Variants in GNPTAB observed in about 807,000 individuals in gnomAD.
The protein encoded by GNPTAB is N-acetylglucosamine-1-phosphotransferase subunits alpha/beta.
Under a neutral mutation model 136.6 loss-of-function variants are expected in GNPTAB, and 92 were observed. The ratio of observed to expected loss-of-function variants is 0.67; its 90% CI spans 0.57 to 0.80. The LOEUF is 0.80. GNPTAB is among the 30% of genes least tolerant of loss of function. The pLI is 0.00. For missense variants in GNPTAB, 1,343 were observed against 1,501.8 expected (o/e 0.89, Z 1.75); for synonymous variants, 512 against 535.1 (o/e 0.96, Z 0.60).
intron 9 of GNPTAB, 22 bp from the exon 10 acceptor site, chr12:101,770,213 A>G (rs1272806691): frequency 6.2e-6 from 10 of 1,612,932 alleles, no homozygotes; most frequent in Admixed American, 1.7e-5. Flanking sequence ...AACAAACAAA[A>G]AAAGAGAGTG....
intron 3 of GNPTAB, among the ~76,000 whole-genome samples, chr12:101,789,548 A>T (rs991334090): frequency 1.3e-5 from 2 of 152,186 alleles, no homozygotes; most frequent in Non-Finnish European, 2.9e-5. Flanking sequence ...GCAGTGATAC[A>T]ATCACGGCTC....
intron 1 of GNPTAB, among the ~76,000 whole-genome samples, chr12:101,820,152 C>G (rs934980451): frequency 6.6e-6 from 1 of 152,226 alleles, no homozygotes; most frequent in East Asian, 1.9e-4. Context: ...AGGCACCTCA[C>G]TTAAACTACT....
chr12:101,796,207 T>C (rs1037206235), intron 2 of GNPTAB: 15 of 702,264 alleles, frequency 2.1e-5, no homozygotes, highest in African/African-American at 1.9e-4. Context: ...CGCTGTGTAG[T>C]AGCCACCTGG....
chr12:101,747,097 C>A lies in GNPTAB; in HGVS notation c.*67G>T. On this transcript the variant is annotated 3_prime_UTR_variant, in exon 21 of 21. Transcript: ENST00000299314. ...GCTAAGCATCACATCACAAAGACAT[C>A]TCTGTGAAGCTGAGTTTTAAAATGC... is the stretch of plus-strand genomic sequence containing the variant. The A allele has an allele frequency of 1.1e-6, 1 of 914,532 alleles. No individual in the cohort carries two copies. The highest frequency in any genetic ancestry group is 1.8e-6 in the Non-Finnish European group (1 of 544,174). 56.7% of individuals were successfully genotyped at this position (914,532 alleles called of 1,614,324 possible).
At chr12:101,817,242 A>G (rs1031443572) in intron 1 of GNPTAB, among the ~76,000 whole-genome samples, 1 of 148,248 alleles carries the variant, frequency 6.7e-6, no homozygotes, top group Non-Finnish European at 1.5e-5. Flanking sequence ...GGATATCCCC[A>G]TTACCCAGAT....
chr12:101,793,927 A>G (rs1594240554), intron 2 of GNPTAB, among the ~76,000 whole-genome samples: 2 of 152,044 alleles, frequency 1.3e-5, no homozygotes, highest in African/African-American at 2.4e-5. Flanking sequence ...ACTGCAACCT[A>G]TGCCTCCCAG....
At chr12:101,784,384 G>A (rs1281672830) in intron 5 of GNPTAB, among the ~76,000 whole-genome samples, 6 of 152,310 alleles carry the variant, frequency 3.9e-5, no homozygotes, top group Non-Finnish European at 8.8e-5. Context: ...GATGCAGGGA[G>A]GGCAGGGATG....
rs747789493 is a variant in GNPTAB, at chr12:101,765,010, CT to C, written c.1906del (p.Arg636GlyfsTer6). The C allele has an allele frequency of 6.2e-7, 1 of 1,614,158 alleles. No individual in the cohort carries two copies. The highest frequency in any genetic ancestry group is 1.7e-5 in the Admixed American group (1 of 60,028). ...KMQITVEVDT[R>X]EGPKLNSTAQ... ...TGTAGAATTCAGTTTTGGTCCCTCC[CT>C]TGTGTCCACCTCCACTGTTATCTGC... On this transcript the variant is annotated frameshift_variant, in exon 13 of 21. Transcript: ENST00000299314. LOFTEE classifies it high-confidence loss of function.
chr12:101,813,029 C>T, intron 1 of GNPTAB, among the ~76,000 whole-genome samples: 1 of 145,068 alleles, frequency 6.9e-6, no homozygotes, highest in Non-Finnish European at 1.5e-5. Flanking sequence ...GATGGGGTTT[C>T]ACTATGTTGC....
At chr12:101,756,411 T>TA in intron 18 of GNPTAB, 1 of 319,156 alleles carries the variant, frequency 3.1e-6, no homozygotes, top group East Asian at 1.2e-4. Context: ...ACCCAGAAAT[T>TA]AAAAATACTC....
At position 101,770,386 on chromosome 12, in the gene GNPTAB, AT is replaced by A. The variant is rs777207389; in HGVS notation, c.1113+19del. ...CAGAATTAGAAATCACAGTCTTGTA[AT>A]TTTTAGAAAGTCCTGTACCTGGTGT... is the stretch of plus-strand genomic sequence containing the variant. On this transcript the variant is annotated intron_variant, in intron 9 of 20. Coordinates refer to ENST00000299314, the MANE Select transcript of GNPTAB (RefSeq NM_024312.5). The A allele has an allele frequency of 1.1e-5, 18 of 1,584,332 alleles. No individual in the cohort carries two copies. In the South Asian group the frequency reaches 1.7e-4, roughly 15 times the overall value.
chr12:101,771,169 C>G lies in GNPTAB; in HGVS notation c.772-12G>C. 6.2e-7 allele frequency: 1 copy of G among 1,610,000 alleles called. No individual in the cohort carries two copies. On this transcript the variant is annotated splice_polypyrimidine_tract_variant and intron_variant, in intron 7 of 20. Coordinates refer to ENST00000299314, the MANE Select transcript of GNPTAB (RefSeq NM_024312.5). ...GAATACAACTGCAACTATCAAATAACAAGAGGATTACACATGAAAAGACTG... is the reference window on the plus strand; with the variant it reads ...GAATACAACTGCAACTATCAAATAAGAAGAGGATTACACATGAAAAGACTG...
chr12:101,754,366 C>T (rs1276867811), intron 18 of GNPTAB, among the ~76,000 whole-genome samples: 2 of 151,744 alleles, frequency 1.3e-5, no homozygotes, highest in Non-Finnish European at 2.9e-5. Context: ...GCAGAGGTTG[C>T]AGTCAGCAAT....
intron 11 of GNPTAB, 161 bp downstream of exon 11, chr12:101,767,876 G>A: frequency 1.2e-6 from 1 of 840,450 alleles, no homozygotes; most frequent in Non-Finnish European, 1.9e-6. Context: ...GCTCAGCTTT[G>A]CAAAGCACTG....
intron 15 of GNPTAB, 33 bp from the exon 16 acceptor site, chr12:101,760,176 C>T (rs376864249): frequency 3.8e-5 from 49 of 1,287,028 alleles, no homozygotes; most frequent in Admixed American, 1.2e-4. Flanking sequence ...ATCTGTTATG[C>T]GCATTGTAAG....
Position 101,784,003 on chromosome 12 carries a change from C to A in GNPTAB, c.571+2009G>T, listed in dbSNP as rs901926841. Among the ~76,000 whole-genome samples, 3 of 152,026 alleles carry A rather than the reference C, an allele frequency of 2.0e-5. No homozygotes were observed. The East Asian group carries it at 5.8e-4, about 29-fold the overall frequency. On this transcript the variant is annotated intron_variant, in intron 5 of 20. Transcript: ENST00000299314. ...AAAGTGCTGGGATTATAGGCGTGAGCCACCACACCCAACCTCAAACTAAAA... is the reference window on the plus strand; with the variant it reads ...AAAGTGCTGGGATTATAGGCGTGAGACACCACACCCAACCTCAAACTAAAA...
chr12:101,804,516 T>C (rs901606822), intron 1 of GNPTAB, among the ~76,000 whole-genome samples: 1 of 152,204 alleles, frequency 6.6e-6, no homozygotes. Flanking sequence ...TTTGAGTTCT[T>C]GTTATAATGT....
intron 7 of GNPTAB, among the ~76,000 whole-genome samples, chr12:101,777,546 G>A (rs375051544): frequency 7.8e-4 from 119 of 152,238 alleles, no homozygotes; most frequent in African/African-American, 2.8e-3. Flanking sequence ...CTTCTCTGCT[G>A]GGAGAATGGC....
At chr12:101,748,027 C>G (rs1952761971) in intron 20 of GNPTAB, among the ~76,000 whole-genome samples, 1 of 152,134 alleles carries the variant, frequency 6.6e-6, no homozygotes, top group South Asian at 2.1e-4. Context: ...CTTCCCCATC[C>G]TAGGTCAGCA....
Sources: gnomAD v4.1 joint callset for allele counts (sites outside exome capture counted in the v4.1 genomes callset) on GRCh38, gnomAD v4.1.1 for gene constraint, MANE v1.5 for transcripts, NCBI Gene and HGNC (gene_info 2026-07-23, HGNC 2026-07-21) for gene names.